The following CCDC187 variants were observed in gnomAD, a reference collection of about 807,000 sequenced individuals.
CCDC187 encodes the protein coiled-coil domain-containing protein 187.
Under a neutral mutation model 38.0 loss-of-function variants are expected in CCDC187, and 32 were observed. The ratio of observed to expected loss-of-function variants is 0.84; its 90% CI spans 0.64 to 1.13. The LOEUF (loss-of-function observed/expected upper bound fraction) is 1.13. Ranked by LOEUF, CCDC187 falls within the 50% of genes most tolerant of loss-of-function variation. The probability of loss-of-function intolerance (pLI) is 0.00; values close to 1 mark genes in which losing one functional copy is unlikely to be tolerated. For synonymous variants in CCDC187, 333 were observed against 347.9 expected (o/e 0.96, Z 0.48); for missense variants, 707 against 786.8 (o/e 0.90, Z 1.21).
chr9:136,296,101 C>G (rs1193421604), intron 4 of CCDC187: 2 of 152,282 alleles, frequency 1.3e-5, no homozygotes, highest in African/African-American at 4.8e-5. Context: ...AGCAGAGGGG[C>G]CGGCAACTGA....
Position 136,299,967 on chromosome 9 carries a change from A to C in CCDC187, c.724+253T>G, listed in dbSNP as rs924907628. Among the ~76,000 whole-genome samples the C allele has an allele frequency of 4.4e-3, 667 of 152,268 alleles. 7 individuals carry two copies. Among genetic ancestry groups the C allele is most frequent in the African/African-American group, 0.014 (596 of 41,560 alleles). Reference sequence around the variant, plus strand: ...AAAAACAAACAAACAACAACAACAAAAAATGCCCCTGCTCAGCTCCCCTGC... The same window carrying C: ...AAAAACAAACAAACAACAACAACAACAAATGCCCCTGCTCAGCTCCCCTGC... On this transcript the variant is annotated intron_variant, in intron 3 of 25. Transcript: ENST00000638797.
At chr9:136,299,205 G>T (rs891100528) in intron 3 of CCDC187, among the ~76,000 whole-genome samples, 1 of 152,200 alleles carries the variant, frequency 6.6e-6, no homozygotes, top group Non-Finnish European at 1.5e-5. Context: ...CAACTGTGGG[G>T]TCAGGGAGAT....
intron 15 of CCDC187, 143 bp from the exon 16 acceptor site, chr9:136,267,654 C>G: frequency 1.0e-6 from 1 of 976,382 alleles, no homozygotes; most frequent in Non-Finnish European, 1.2e-6. Context: ...GAAGCCCTCT[C>G]GGACTGCCCG....
rs1392907221 is a variant in CCDC187, at chr9:136,275,024, G to A, written c.3226-17C>T. ...CATCAGCTGCTGTGAGGAGTGGGAG[G>A]TGTGTTGCGGAGAATGCAGGAGGCG... On this transcript the variant is annotated splice_polypyrimidine_tract_variant and intron_variant, in intron 12 of 25. Transcript: ENST00000638797. 2 of 152,504 alleles carry A rather than the reference G, an allele frequency of 1.3e-5. No homozygotes were observed. Among genetic ancestry groups the A allele is most frequent in the African/African-American group, 4.8e-5 (2 of 41,464 alleles). 9.4% of individuals were successfully genotyped at this position (152,504 alleles called of 1,614,324 possible).
chr9:136,275,449 C>T (rs1830913187), intron 12 of CCDC187, among the ~76,000 whole-genome samples: 1 of 132,284 alleles, frequency 7.6e-6, no homozygotes. Flanking sequence ...CTCCCACACA[C>T]ACACACGTGC....
intron 4 of CCDC187, among the ~76,000 whole-genome samples, chr9:136,293,053 C>A (rs1013828386): frequency 6.6e-6 from 1 of 152,252 alleles, no homozygotes; most frequent in East Asian, 1.9e-4. Context: ...TGGCAAAGGC[C>A]GGAGGTAGGG....
chr9:136,252,733 G>T lies in CCDC187; in HGVS notation c.*861C>A. On this transcript the variant is annotated 3_prime_UTR_variant, in exon 26 of 26. Transcript: ENST00000638797. Reference sequence around the variant, plus strand: ...AGGGGCTGCACCTGGGGGCCTGTGTGGAGAGAGCTGCTAAGGAGTCACGCA... The same window carrying T: ...AGGGGCTGCACCTGGGGGCCTGTGTTGAGAGAGCTGCTAAGGAGTCACGCA... The T allele has an allele frequency of 6.5e-6, 1 of 153,210 alleles. No homozygotes were observed. Among genetic ancestry groups the T allele is most frequent in the African/African-American group, 2.4e-5 (1 of 41,580 alleles). The allele number at this position is 153,210 out of a possible 1,614,324, so 9.5% of individuals were successfully genotyped here. A position where few individuals can be genotyped will look rare whatever the true frequency, so the allele number is the denominator to read the frequency against.
intron 19 of CCDC187, among the ~76,000 whole-genome samples, chr9:136,261,980 G>A (rs1830684348): frequency 6.6e-6 from 1 of 152,252 alleles, no homozygotes; most frequent in African/African-American, 2.4e-5. Context: ...CTCGGGCAGC[G>A]GCCAGGCTCT....
rs544490101 is a variant in CCDC187 at position 136,262,434 on chromosome 9, C to T, written c.3941G>A (p.Trp1314Ter). The part of the protein sequence containing the change: ...QGSSPKVKAA[W>*]EGGSETSQQP... ...CTGGCTTGTCTCTGAGCCTCCCTCC[C>T]AGGCGGCCTTGACTTTGGGGCTGGA... Residue 1314 changes from tryptophan to a stop codon, truncating the protein, a stop_gained, in exon 19 of 26, where the codon TGG becomes TAG. Coordinates refer to ENST00000638797, the MANE Select transcript of CCDC187 (RefSeq NM_001378188.1). LOFTEE classifies it high-confidence loss of function. 69 of 985,930 alleles carry T rather than the reference C, an allele frequency of 7.0e-5. No homozygotes were observed. Among genetic ancestry groups the T allele is most frequent in the Non-Finnish European group, 7.6e-5 (63 of 830,264 alleles). The allele number at this position is 985,930 out of a possible 1,614,324, so 61.1% of individuals were successfully genotyped here.
chr9:136,280,866 T>C (rs1330705945), intron 10 of CCDC187: 3 of 152,428 alleles, frequency 2.0e-5, no homozygotes, highest in African/African-American at 7.2e-5. Flanking sequence ...GGGTTAGGGG[T>C]TGGATGGGGG....
At chr9:136,281,078 C>G (rs1047177391) in intron 10 of CCDC187, 9 of 244,842 alleles carry the variant, frequency 3.7e-5, no homozygotes, top group Non-Finnish European at 7.0e-5. Flanking sequence ...CCAAGCCCCC[C>G]AGCCAGGAGG....
chr9:136,296,995 G>A (rs1831550747), intron 4 of CCDC187, among the ~76,000 whole-genome samples: 1 of 152,186 alleles, frequency 6.6e-6, no homozygotes, highest in East Asian at 1.9e-4. Flanking sequence ...GTGTGCAGGT[G>A]GAAGGAGATG....
At chr9:136,292,978 C>A (rs1042755402) in intron 4 of CCDC187, among the ~76,000 whole-genome samples, 2,172 of 152,288 alleles carry the variant, frequency 0.014, 55 homozygotes, top group African/African-American at 0.047. Flanking sequence ...ACTTCACAGC[C>A]CAGCTCACGG....
At position 136,260,144 on chromosome 9, in the gene CCDC187, C is replaced by T. The variant is rs981405601; in HGVS notation, c.4185G>A (p.Val1395=). The change falls in exon 20 of 26, where the codon GTG becomes GTA. Residue 1395 remains valine (V), a synonymous_variant. Transcript: ENST00000638797. ...EDTHDPQGPL[V]ESGSHVSQEP... is the part of the protein sequence containing the mutation. Reference sequence around the variant, plus strand: ...CTTGACTGACATGGCTGCCACTCTCCACCAGCGGGCCCTGGGGGTCGTGTG... The same window carrying T: ...CTTGACTGACATGGCTGCCACTCTCTACCAGCGGGCCCTGGGGGTCGTGTG... 1 of 985,478 alleles carries T rather than the reference C, an allele frequency of 1.0e-6. No homozygotes were observed. Among genetic ancestry groups the T allele is most frequent in the Non-Finnish European group, 1.2e-6 (1 of 830,002 alleles). The allele number at this position is 985,478 out of a possible 1,614,324, so 61.0% of individuals were successfully genotyped here.
chr9:136,271,278 T>C (rs999251814), intron 14 of CCDC187, among the ~76,000 whole-genome samples: 1 of 152,096 alleles, frequency 6.6e-6, no homozygotes, highest in South Asian at 2.1e-4. Context: ...TCCCAGCACT[T>C]TGGGAGGCTG....
chr9:136,250,686 C>T lies in CCDC187; in HGVS notation c.*2908G>A, dbSNP rs1554759178. 2.2e-6 allele frequency: 1 copy of T among 454,042 alleles called. No homozygotes were observed. The highest frequency in any genetic ancestry group is 4.4e-6 in the Non-Finnish European group (1 of 225,526). 28.1% of individuals were successfully genotyped at this position (454,042 alleles called of 1,614,324 possible). On this transcript the variant is annotated 3_prime_UTR_variant, in exon 26 of 26. Transcript: ENST00000638797. Reference sequence around the variant, plus strand: ...ATTCCCCACTGGATCCAAACATCTGCATTCTCAGGTGGGCTGGGCAGGAGC... The same window carrying T: ...ATTCCCCACTGGATCCAAACATCTGTATTCTCAGGTGGGCTGGGCAGGAGC...
intron 10 of CCDC187, chr9:136,281,182 C>G (rs1014126466): frequency 3.0e-5 from 11 of 365,006 alleles, no homozygotes; most frequent in Non-Finnish European, 4.4e-5. Flanking sequence ...GGGCACTGCT[C>G]GTTGGAAACC....
At chr9:136,283,902 C>G (rs1831107495) in intron 9 of CCDC187, among the ~76,000 whole-genome samples, 1 of 152,208 alleles carries the variant, frequency 6.6e-6, no homozygotes, top group East Asian at 1.9e-4. Context: ...CCCGATGCTG[C>G]CCTCTTCTGG....
Position 136,258,998 on chromosome 9 carries a change from C to G in CCDC187, c.4300G>C (p.Glu1434Gln). 1 of 985,838 alleles carries G rather than the reference C, an allele frequency of 1.0e-6. No individual in the cohort carries two copies. 61.1% of individuals were successfully genotyped at this position (985,838 alleles called of 1,614,324 possible). A position where few individuals can be genotyped will look rare whatever the true frequency, so the allele number is the denominator to read the frequency against. Residue 1434 changes from glutamate (E) to glutamine (Q), a missense_variant, in exon 22 of 26, where the codon GAG becomes CAG. Glu to Gln is a conservative substitution (Grantham distance 29). Transcript: ENST00000638797. This position sits in a 1 kb window ranked among gnomAD's most constrained non-coding sequence, Gnocchi z 4.3. Reference protein sequence around the residue: ...GQRLGPAFPAEEAEGRLPTAQ... With the variant: ...GQRLGPAFPAQEAEGRLPTAQ... ...GTGGGGAGGCGCCCCTCCGCCTCCT[C>G]GGCCTGGGGGGTGAGACGGGAGTGG... is the stretch of plus-strand genomic sequence containing the variant.
Sources: allele counts gnomAD v4.1 joint callset (sites outside exome capture counted in the v4.1 genomes callset), GRCh38; gene constraint gnomAD v4.1.1; non-coding constraint Gnocchi (gnomAD v3.1); transcripts MANE v1.5; gene names NCBI Gene and HGNC (gene_info 2026-07-23, HGNC 2026-07-21).